Variants in RAF1 observed in about 807,000 individuals in gnomAD.
The protein encoded by RAF1 is RAF proto-oncogene serine/threonine-protein kinase.
Under a neutral mutation model 81.1 loss-of-function variants are expected in RAF1, and 27 were observed. That is an observed-to-expected ratio of 0.33 (90% confidence interval 0.25 to 0.46). The LOEUF (loss-of-function observed/expected upper bound fraction) is 0.46, where lower values mean the gene tolerates loss of function less well. Ranked by LOEUF, RAF1 falls within the 20% of genes least tolerant of loss-of-function variation. RAF1 has a pLI of 1.00. For missense variants in RAF1, 598 were observed against 826.0 expected (o/e 0.72, Z 3.38); for synonymous variants, 298 against 294.0 (o/e 1.01, Z -0.14).
intron 1 of RAF1, among the ~76,000 whole-genome samples, chr3:12,628,506 AG>A (rs977978861): frequency 2.0e-5 from 3 of 152,152 alleles, no homozygotes; most frequent in African/African-American, 7.2e-5. Flanking sequence ...TACAAAAAAA[AG>A]TTTTTAAAAA....
chr3:12,645,933 A>C (rs2060336128), intron 1 of RAF1, among the ~76,000 whole-genome samples: 1 of 152,176 alleles, frequency 6.6e-6, no homozygotes, highest in African/African-American at 2.4e-5. Flanking sequence ...CTCTGTGTGG[A>C]GGAAAGAAAA....
intron 1 of RAF1, among the ~76,000 whole-genome samples, chr3:12,637,236 T>G (rs1455963766): frequency 6.6e-6 from 1 of 152,170 alleles, no homozygotes; most frequent in Non-Finnish European, 1.5e-5. Flanking sequence ...CGGGTTAACT[T>G]CAATCTTTCA....
At chr3:12,588,458 G>A (rs1387872062) in intron 13 of RAF1, 1 of 152,130 alleles carries the variant, frequency 6.6e-6, no homozygotes, top group East Asian at 1.9e-4. Flanking sequence ...CTGGCTAAAT[G>A]GTATAACGTG....
chr3:12,635,667 G>T (rs1027718678), intron 1 of RAF1, among the ~76,000 whole-genome samples: 1 of 145,072 alleles, frequency 6.9e-6, no homozygotes, highest in Non-Finnish European at 1.5e-5. Flanking sequence ...AAAAGAGAGA[G>T]AGAGATTACT....
At chr3:12,612,526 G>A (rs1411634794) in intron 2 of RAF1, among the ~76,000 whole-genome samples, 1 of 151,882 alleles carries the variant, frequency 6.6e-6, no homozygotes, top group African/African-American at 2.4e-5. Context: ...GTGGACGCCT[G>A]TAATCTCAGC....
chr3:12,619,022 C>T (rs1326484403), intron 1 of RAF1, among the ~76,000 whole-genome samples: 1 of 151,760 alleles, frequency 6.6e-6, no homozygotes, highest in African/African-American at 2.4e-5. Flanking sequence ...GAGGTGGGTG[C>T]ATCACGAGGT....
In RAF1 at chr3:12,644,578, G is replaced by A. The variant is rs372581353; in HGVS notation, c.-27+19235C>T. On this transcript the variant is annotated intron_variant, in intron 1 of 17. Transcript: ENST00000442415. ...TTAGGGTTAAGGATGACTTTGTTTT[G>A]CCCTATCCCTTGGCTCTATCCTTTT... Among the ~76,000 whole-genome samples the A allele has an allele frequency of 1.3e-4, 20 of 152,268 alleles. 2 individuals carry two copies. Among genetic ancestry groups the A allele is most frequent in the Admixed American group, 3.3e-4 (5 of 15,292 alleles).
intron 1 of RAF1, among the ~76,000 whole-genome samples, chr3:12,627,171 T>C (rs2059729278): frequency 6.6e-6 from 1 of 152,180 alleles, no homozygotes; most frequent in South Asian, 2.1e-4. Context: ...CATTTACCTT[T>C]CACATGCCAG....
chr3:12,599,878 A>C, intron 10 of RAF1, 70 bp from the exon 10 acceptor site: 2 of 1,264,522 alleles, frequency 1.6e-6, no homozygotes, highest in South Asian at 2.4e-5. Context: ...AGGGCATCAA[A>C]GGATCAACCC....
intron 2 of RAF1, among the ~76,000 whole-genome samples, chr3:12,614,884 T>C (rs2059326078): frequency 6.6e-6 from 1 of 152,200 alleles, no homozygotes; most frequent in Admixed American, 6.6e-5. Context: ...GTAATAAACA[T>C]ACCTAACGGA....
At chr3:12,628,553 A>T (rs990651763) in intron 1 of RAF1, among the ~76,000 whole-genome samples, 1 of 152,046 alleles carries the variant, frequency 6.6e-6, no homozygotes, top group Non-Finnish European at 1.5e-5. Context: ...CAACTCTACT[A>T]GTTTTCATGT....
chr3:12,599,953 T>C (rs2058806840), intron 10 of RAF1, 145 bp from the exon 10 acceptor site: 1 of 1,243,188 alleles, frequency 8.0e-7, no homozygotes, highest in South Asian at 1.2e-5. Context: ...TTTTGTCTTT[T>C]GAGAAATACC....
chr3:12,599,794 C>G lies in RAF1; in HGVS notation c.1065G>C (p.Gln355His), dbSNP rs2058799269. ...TTTCCCAATAATAGCTTGAATCTCT[C>G]TGTCCACGAGGCCTCTGAAACAAGT... The change falls in exon 11 of 18, where the codon CAG (glutamine) becomes CAC (histidine). Residue 355 changes from glutamine to histidine, a missense_variant. Around this residue, in one of 5 missense-constraint regions of RAF1, gnomAD observed 194 missense variants for 202.7 expected, o/e 0.96. Coordinates refer to ENST00000442415, the MANE Select transcript of RAF1 (RefSeq NM_001354689.3). 9 of 1,613,980 alleles carry G rather than the reference C, an allele frequency of 5.6e-6. No individual in the cohort carries two copies. In the East Asian group the frequency reaches 1.8e-4, roughly 32 times the overall value.
At chr3:12,600,917 A>G (rs983029325) in intron 8 of RAF1, among the ~76,000 whole-genome samples, 3 of 152,226 alleles carry the variant, frequency 2.0e-5, no homozygotes, top group African/African-American at 7.2e-5. Flanking sequence ...AAAAGAAAGC[A>G]ATGTACACAA....
intron 12 of RAF1, 33 bp from the exon 12 acceptor site, chr3:12,591,007 G>A (rs2058498220): frequency 6.4e-7 from 1 of 1,567,352 alleles, no homozygotes; most frequent in Admixed American, 1.7e-5. Flanking sequence ...GGAGAGGGAG[G>A]AGGAAAGTGC....
At chr3:12,587,882 C>T (rs1171628180) in intron 13 of RAF1, 14 of 325,900 alleles carry the variant, frequency 4.3e-5, no homozygotes, top group African/African-American at 3.0e-4. Flanking sequence ...CAATAGCTTA[C>T]TGCAGCCTTA....
At chr3:12,615,649 G>A (rs1046788725) in intron 2 of RAF1, among the ~76,000 whole-genome samples, 5 of 152,296 alleles carry the variant, frequency 3.3e-5, no homozygotes, top group Admixed American at 3.3e-4. Flanking sequence ...AACTAACCTA[G>A]GCTACAACCT....
intron 12 of RAF1, 108 bp from the exon 12 acceptor site, chr3:12,591,082 C>A: frequency 5.0e-6 from 5 of 994,040 alleles, no homozygotes; most frequent in Non-Finnish European, 7.4e-6. Context: ...CACCCCCAGT[C>A]CCAACACCAC....
At chr3:12,654,788 T>A (rs193167849) in intron 1 of RAF1, among the ~76,000 whole-genome samples, 60 of 120,792 alleles carry the variant, frequency 5.0e-4, no homozygotes, top group African/African-American at 1.7e-3. Flanking sequence ...AACAACATTA[T>A]ACACAAGTTT....
Sources: allele counts gnomAD v4.1 joint callset (sites outside exome capture counted in the v4.1 genomes callset), GRCh38; gene constraint gnomAD v4.1.1; regional missense constraint gnomAD v4.1.1; transcripts MANE v1.5; gene names NCBI Gene and HGNC (gene_info 2026-07-23, HGNC 2026-07-21).